LMO7: variants seen among roughly 807,000 people sequenced by gnomAD.
LMO7 encodes LIM domain only protein 7.
A neutral mutation model predicts 206.5 loss-of-function variants in LMO7; 120 were observed. The observed-to-expected ratio is 0.58, with a 90% CI of 0.50 to 0.68. The LOEUF (loss-of-function observed/expected upper bound fraction) is 0.68. LMO7 is among the 30% of genes least tolerant of loss of function. LMO7 has a pLI of 0.00. For synonymous variants in LMO7, 706 were observed against 681.5 expected, an observed-to-expected ratio of 1.04 and a Z score of -0.56; for missense variants, 1,959 against 1,957.9, an observed-to-expected ratio of 1.00 and a Z score of -0.01.
intron 4 of LMO7, 44 bp from the exon 5 acceptor site, chr13:75,795,357 A>C (rs748362310): frequency 7.6e-7 from 1 of 1,313,340 alleles, no homozygotes; most frequent in Non-Finnish European, 1.1e-6. Flanking sequence ...TTAATAATTT[A>C]AGGTTCACGG....
chr13:75,755,187 G>A (rs771502986), intron 3 of LMO7, among the ~76,000 whole-genome samples: 1 of 152,116 alleles, frequency 6.6e-6, no homozygotes, highest in Non-Finnish European at 1.5e-5. Flanking sequence ...TCCCTCACCT[G>A]TTGCCAGCGG....
chr13:75,647,599 A>G (rs1312011115), intron 1 of LMO7, among the ~76,000 whole-genome samples: 1 of 152,220 alleles, frequency 6.6e-6, no homozygotes, highest in Non-Finnish European at 1.5e-5. Context: ...AAAAGATTTC[A>G]CAACTCACTG....
intron 1 of LMO7, among the ~76,000 whole-genome samples, chr13:75,669,752 G>T (rs1045289442): frequency 2.0e-5 from 3 of 152,122 alleles, no homozygotes; most frequent in African/African-American, 7.2e-5. Context: ...ATTGCAAGAG[G>T]TTATGAGCTC....
intron 3 of LMO7, among the ~76,000 whole-genome samples, chr13:75,733,532 C>T (rs1431473770): frequency 2.0e-5 from 3 of 152,196 alleles, no homozygotes; most frequent in Admixed American, 6.5e-5. Context: ...CATCTGTCAC[C>T]CCTTTCTTTG....
intron 1 of LMO7, among the ~76,000 whole-genome samples, chr13:75,682,370 G>A (rs1856688817): frequency 6.6e-6 from 1 of 152,170 alleles, no homozygotes; most frequent in Admixed American, 6.5e-5. Flanking sequence ...CCAGGAGAAG[G>A]GCTTGGATTT....
chr13:75,811,856 T>C (rs1337178435), intron 11 of LMO7, among the ~76,000 whole-genome samples: 1 of 152,220 alleles, frequency 6.6e-6, no homozygotes, highest in Non-Finnish European at 1.5e-5. Context: ...GTGATTAAGC[T>C]GTTGAATCTG....
chr13:75,754,312 A>G (rs759445346), intron 3 of LMO7, among the ~76,000 whole-genome samples: 2 of 152,112 alleles, frequency 1.3e-5, no homozygotes, highest in Non-Finnish European at 2.9e-5. Flanking sequence ...ACTTACTGTA[A>G]TGTTTTGTAG....
At chr13:75,829,104 A>G (rs1056465606) in intron 15 of LMO7, among the ~76,000 whole-genome samples, 1 of 152,192 alleles carries the variant, frequency 6.6e-6, no homozygotes, top group Non-Finnish European at 1.5e-5. Context: ...GAGACATGGC[A>G]ATGAATGAGG....
intron 3 of LMO7, among the ~76,000 whole-genome samples, chr13:75,732,653 T>C (rs1438279939): frequency 6.6e-6 from 1 of 152,244 alleles, no homozygotes; most frequent in East Asian, 1.9e-4. Context: ...TCCAGCTTTG[T>C]TCCATTGCTG....
upstream of LMO7, chr13:75,635,920 G>C (rs1009960455): frequency 6.6e-6 from 1 of 152,336 alleles, no homozygotes; most frequent in Non-Finnish European, 1.5e-5. Context: ...CTCCCCAGCG[G>C]GGGAGGTTTC....
intron 1 of LMO7, among the ~76,000 whole-genome samples, chr13:75,640,253 T>C (rs998841042): frequency 8.5e-4 from 15 of 17,614 alleles, no homozygotes; most frequent in Non-Finnish European, 3.8e-4. Context: ...CCACCGCACC[T>C]GGCCTGGGCT....
At chr13:75,713,060 C>G (rs1013910574) in intron 1 of LMO7, 122 bp from the exon 2 acceptor site, 16 of 558,976 alleles carry the variant, frequency 2.9e-5, no homozygotes, top group East Asian at 1.2e-4. Context: ...TAGGATATAA[C>G]AGTCTATATA....
intron 3 of LMO7, among the ~76,000 whole-genome samples, chr13:75,746,452 G>A (rs931454049): frequency 1.3e-5 from 2 of 152,188 alleles, no homozygotes; most frequent in Non-Finnish European, 2.9e-5. Context: ...CCCATGGAGA[G>A]TGTGGGAAAC....
At chr13:75,719,457 A>C (rs1216989414) in intron 2 of LMO7, among the ~76,000 whole-genome samples, 2 of 152,262 alleles carry the variant, frequency 1.3e-5, no homozygotes, top group Middle Eastern at 3.4e-3. Flanking sequence ...ATCTCATGTC[A>C]AATTGTAATT....
intron 1 of LMO7, among the ~76,000 whole-genome samples, chr13:75,678,234 G>A (rs551155630): frequency 6.6e-6 from 1 of 152,162 alleles, no homozygotes; most frequent in African/African-American, 2.4e-5. Flanking sequence ...TTCCACAATG[G>A]TTGAACTAGT....
chr13:75,681,323 T>G (rs914536595), intron 1 of LMO7, among the ~76,000 whole-genome samples: 5 of 152,224 alleles, frequency 3.3e-5, no homozygotes, highest in Admixed American at 1.3e-4. Flanking sequence ...TAATCCATCT[T>G]GAGTTATTAA....
At chr13:75,788,371 T>C (rs1228581316) in intron 4 of LMO7, among the ~76,000 whole-genome samples, 6 of 151,054 alleles carry the variant, frequency 4.0e-5, no homozygotes, top group Non-Finnish European at 8.8e-5. Context: ...GGAGAATCAC[T>C]TGAACCTGGG....
rs1202827775 is a variant in LMO7 at position 75,859,571 on chromosome 13, T to C, written c.*1628T>C. On this transcript the variant is annotated 3_prime_UTR_variant, in exon 31 of 31. Coordinates refer to ENST00000377534, the MANE Select transcript of LMO7 (RefSeq NM_001306080.2). Reference sequence around the variant, plus strand: ...CAAACATTTTAATATGTGCATGTTATATATAAATATGTAAATTCTGTGATA... The same window carrying C: ...CAAACATTTTAATATGTGCATGTTACATATAAATATGTAAATTCTGTGATA... The C allele has an allele frequency of 6.6e-6, 1 of 152,246 alleles. No homozygotes were observed. Among genetic ancestry groups the C allele is most frequent in the African/African-American group, 2.4e-5 (1 of 41,458 alleles). 9.4% of individuals were successfully genotyped at this position (152,246 alleles called of 1,614,324 possible).
chr13:75,710,503 AG>A (rs1341379646), intron 1 of LMO7, among the ~76,000 whole-genome samples: 1 of 151,814 alleles, frequency 6.6e-6, no homozygotes, highest in African/African-American at 2.4e-5. Context: ...CTCCTTGAAG[AG>A]GTCCTTCACA....
Sources: allele counts gnomAD v4.1 joint callset (sites outside exome capture counted in the v4.1 genomes callset), GRCh38; gene constraint gnomAD v4.1.1; transcripts MANE v1.5; gene names NCBI Gene and HGNC (gene_info 2026-07-23, HGNC 2026-07-21).